The following SLC30A10 variants were observed in gnomAD, a reference collection of about 807,000 sequenced individuals.
SLC30A10 encodes the protein solute carrier family 30 member 10.
SLC30A10 carries 8 observed loss-of-function variants against 21.7 expected under a neutral mutation model. The observed-to-expected ratio is 0.37, with a 90% confidence interval of 0.22 to 0.67. SLC30A10 has a LOEUF of 0.67. Ranked by LOEUF, SLC30A10 falls within the 30% of genes least tolerant of loss-of-function variation. The pLI, the probability that SLC30A10 is intolerant of heterozygous loss-of-function variation, is 0.58. For synonymous variants in SLC30A10, 272 were observed against 279.4 expected (o/e 0.97, Z 0.26); for missense variants, 521 against 642.5 (o/e 0.81, Z 2.04).
chr1:219,925,115 G>A (rs886870393), intron 2 of SLC30A10, among the ~76,000 whole-genome samples: 1 of 152,178 alleles, frequency 6.6e-6, no homozygotes, highest in Non-Finnish European at 1.5e-5. Flanking sequence ...AATAGCTTAG[G>A]ACTAAAATTT....
Position 219,927,249 on chromosome 1 carries a change from G to C in SLC30A10, c.641-144C>G, listed in dbSNP as rs940690747. On this transcript the variant is annotated intron_variant, in intron 1 of 3. Coordinates refer to ENST00000366926, the MANE Select transcript of SLC30A10 (RefSeq NM_018713.3). ...TTCTGCACACCCACAGCTCAGAACA[G>C]TACATTTTGGCCTTGAAATAGCCTT... 6 of 764,834 alleles carry C rather than the reference G, an allele frequency of 7.8e-6. No homozygotes were observed. In the African/African-American group the frequency reaches 1.1e-4, roughly 13 times the overall value. The allele number at this position is 764,834 out of a possible 1,614,324, so 47.4% of individuals were successfully genotyped here.
chr1:219,954,402 G>A (rs1040525210), intron 1 of SLC30A10, among the ~76,000 whole-genome samples: 11 of 152,116 alleles, frequency 7.2e-5, no homozygotes, highest in South Asian at 2.1e-4. Flanking sequence ...AAACTTAGCC[G>A]GGCACAGTGG....
In SLC30A10 at chr1:219,918,751, CT is replaced by C. The variant is rs1219997572; in HGVS notation, c.719-258del. 1 of 378,252 alleles carries C rather than the reference CT, an allele frequency of 2.6e-6. No individual in the cohort carries two copies. Among genetic ancestry groups the C allele is most frequent in the Non-Finnish European group, 4.7e-6 (1 of 214,444 alleles). 23.4% of individuals were successfully genotyped at this position (378,252 alleles called of 1,614,324 possible). ...AGATTCTGACCTGCAGGAAGAGCGA[CT>C]GTGCCGTCTCACTGGGCCACATCGC... is the stretch of plus-strand genomic sequence containing the variant. On this transcript the variant is annotated intron_variant, in intron 2 of 3. Transcript: ENST00000366926. This position sits in a 1 kb window ranked among gnomAD's most constrained non-coding sequence, Gnocchi z 4.4.
chr1:219,934,456 T>C (rs2102539746), intron 1 of SLC30A10, among the ~76,000 whole-genome samples: 1 of 150,186 alleles, frequency 6.7e-6, no homozygotes, highest in Admixed American at 6.6e-5. Context: ...AAAGTGAGAC[T>C]CCATCTCAAA....
intron 3 of SLC30A10, among the ~76,000 whole-genome samples, chr1:219,917,421 C>G (rs900751177): frequency 2.0e-5 from 3 of 152,134 alleles, no homozygotes; most frequent in Non-Finnish European, 2.9e-5. Context: ...CCTGGGAAGG[C>G]AAAGGCAATG....
chr1:219,921,941 GA>G (rs1659691944), intron 2 of SLC30A10, among the ~76,000 whole-genome samples: 1 of 145,674 alleles, frequency 6.9e-6, no homozygotes, highest in Admixed American at 6.9e-5. Flanking sequence ...GAGAGAGAGA[GA>G]GACCGAGAGA....
intron 3 of SLC30A10, 67 bp from the exon 4 acceptor site, chr1:219,916,015 G>A: frequency 6.5e-7 from 1 of 1,543,202 alleles, no homozygotes; most frequent in Admixed American, 1.9e-5. Flanking sequence ...ACTACAGGAG[G>A]GATATGGTTC....
At chr1:219,948,276 G>A (rs1300244086) in intron 1 of SLC30A10, among the ~76,000 whole-genome samples, 1 of 150,388 alleles carries the variant, frequency 6.6e-6, no homozygotes, top group Non-Finnish European at 1.5e-5. Context: ...AAGTTCATAT[G>A]GAACCAAAAA....
At chr1:219,951,206 C>T (rs987133225) in intron 1 of SLC30A10, among the ~76,000 whole-genome samples, 1 of 151,816 alleles carries the variant, frequency 6.6e-6, no homozygotes, top group Non-Finnish European at 1.5e-5. Flanking sequence ...AGCAATCCAC[C>T]CACTTCAGCC....
In SLC30A10 at chr1:219,915,478, G is replaced by A. The variant is rs748865805; in HGVS notation, c.1429C>T (p.Gln477Ter). 6.2e-7 allele frequency: 1 copy of A among 1,614,134 alleles called. No homozygotes were observed. Among genetic ancestry groups the A allele is most frequent in the Non-Finnish European group, 8.5e-7 (1 of 1,180,010 alleles). Residue 477 changes from glutamine to a stop codon, truncating the protein, a stop_gained, in exon 4 of 4, where the codon CAA becomes TAA. Coordinates refer to ENST00000366926, the MANE Select transcript of SLC30A10 (RefSeq NM_018713.3). LOFTEE classifies it high-confidence loss of function. ...AAATGCGTTCTGTTGACATAACATT[G>A]GTCCTCCTGAGTTTTGTTAAGACTT... is the stretch of plus-strand genomic sequence containing the variant. ...GQSLNKTQEDQCYVNRTHF is the reference protein window; with the variant it reads ...GQSLNKTQED
At position 219,918,541 on chromosome 1, in the gene SLC30A10, C is replaced by A; in HGVS notation, c.719-47G>T. ...GCAGCACAGATGCAAATCTGGAAGC[C>A]ACGTGACACTCACTGACTTGGGTGT... On this transcript the variant is annotated intron_variant, in intron 2 of 3. Transcript: ENST00000366926. This position sits in a 1 kb window ranked among gnomAD's most constrained non-coding sequence, Gnocchi z 4.4. The A allele has an allele frequency of 2.0e-6, 3 of 1,527,644 alleles. No homozygotes were observed. Among genetic ancestry groups the A allele is most frequent in the Admixed American group, 4.2e-5 (2 of 47,540 alleles). The allele number at this position is 1,527,644 out of a possible 1,614,324, so 94.6% of individuals were successfully genotyped here.
chr1:219,938,999 G>A (rs1660081786), intron 1 of SLC30A10, among the ~76,000 whole-genome samples: 1 of 152,166 alleles, frequency 6.6e-6, no homozygotes, highest in Non-Finnish European at 1.5e-5. Context: ...GAGTTTTTAA[G>A]AGCAATTTTT....
At position 219,915,934 on chromosome 1, in the gene SLC30A10, CAG is replaced by C. The variant is rs1659530604; in HGVS notation, c.971_972del (p.Ser324CysfsTer6). On this transcript the variant is annotated frameshift_variant, in exon 4 of 4. Coordinates refer to ENST00000366926, the MANE Select transcript of SLC30A10 (RefSeq NM_018713.3). LOFTEE classifies it low-confidence loss of function (END_TRUNC). ...VNMEELMSKL[S>X]AVPGISSVHE... The stretch of plus-strand genomic sequence containing the variant: ...TGTACACTGCTAATTCCAGGCACAG[CAG>C]AGAGTTTACTCACTATAACAGAGAA... 3.7e-6 allele frequency: 6 copies of C among 1,613,444 alleles called. No individual in the cohort carries two copies. The highest frequency in any genetic ancestry group is 5.1e-6 in the Non-Finnish European group (6 of 1,179,828).
chr1:219,955,505 T>C (rs535025329), intron 1 of SLC30A10, among the ~76,000 whole-genome samples: 136 of 152,340 alleles, frequency 8.9e-4, no homozygotes, highest in African/African-American at 3.1e-3. Context: ...TTCTCCAGTA[T>C]AACTTTTTTC....
intron 2 of SLC30A10, among the ~76,000 whole-genome samples, chr1:219,921,634 T>C (rs773398732): frequency 3.8e-4 from 58 of 152,012 alleles, no homozygotes; most frequent in South Asian, 1.0e-3. Context: ...TCCTTATATA[T>C]GACTTCTTAA....
At chr1:219,952,089 A>G (rs1190740795) in intron 1 of SLC30A10, among the ~76,000 whole-genome samples, 1 of 152,098 alleles carries the variant, frequency 6.6e-6, no homozygotes, top group Non-Finnish European at 1.5e-5. Context: ...CAGTTTGTGG[A>G]TGTGAAATAG....
chr1:219,955,396 G>C (rs1041579413), intron 1 of SLC30A10, among the ~76,000 whole-genome samples: 8 of 152,164 alleles, frequency 5.3e-5, no homozygotes, highest in Admixed American at 1.3e-4. Context: ...CCACCGGCTA[G>C]ATCTGGATCT....
In SLC30A10 at chr1:219,918,598, G is replaced by GT; in HGVS notation, c.719-105dup. 2 of 1,453,198 alleles carry GT rather than the reference G, an allele frequency of 1.4e-6. No individual in the cohort carries two copies. Among genetic ancestry groups the GT allele is most frequent in the African/African-American group, 2.8e-5 (2 of 70,614 alleles). The allele number at this position is 1,453,198 out of a possible 1,614,324, so 90.0% of individuals were successfully genotyped here. On this transcript the variant is annotated intron_variant, in intron 2 of 3. Coordinates refer to ENST00000366926, the MANE Select transcript of SLC30A10 (RefSeq NM_018713.3). The surrounding 1 kb of genome is among the most constrained non-coding windows in gnomAD (Gnocchi z 4.4). ...ATATGAATATCTGTTACCATTTGGAGTTTTTTGGTTTTTGTTTTGGTTAGA... is the reference window on the plus strand; with the variant it reads ...ATATGAATATCTGTTACCATTTGGAGTTTTTTTGGTTTTTGTTTTGGTTAGA...
chr1:219,948,999 C>T lies in SLC30A10; in HGVS notation n.80+9569G>A, dbSNP rs369703385. The stretch of plus-strand genomic sequence containing the variant: ...AAGACATTTATGCAGCCAAAAAACA[C>T]ATGAAAAAATGCTCACCATCACTGG... On this transcript the variant is annotated intron_variant and non_coding_transcript_variant, in intron 1 of 8. Coordinates refer to the SLC30A10 transcript ENST00000484239. 4.4e-4 allele frequency among the ~76,000 whole-genome samples: 67 copies of T among 151,828 alleles called. 1 individual carries two copies. The South Asian group carries it at 0.011, about 24-fold the overall frequency.
Sources: gnomAD v4.1 joint callset for allele counts (sites outside exome capture counted in the v4.1 genomes callset) on GRCh38, gnomAD v4.1.1 for gene constraint, Gnocchi (gnomAD v3.1) non-coding constraint, MANE v1.5 for transcripts, NCBI Gene and HGNC (gene_info 2026-07-23, HGNC 2026-07-21) for gene names.